NEURL1: variants seen among roughly 807,000 people sequenced by gnomAD.
The protein encoded by NEURL1 is E3 ubiquitin-protein ligase NEURL1.
A neutral mutation model predicts 41.2 loss-of-function variants in NEURL1; 26 were observed. The observed-to-expected ratio is 0.63, with a 90% confidence interval of 0.46 to 0.87. The LOEUF (loss-of-function observed/expected upper bound fraction) is 0.87. NEURL1 is among the 40% of genes least tolerant of loss of function. The probability of loss-of-function intolerance (pLI) is 0.00; values close to 1 mark genes in which losing one functional copy is unlikely to be tolerated. For synonymous variants in NEURL1, 400 were observed against 402.3 expected (o/e 0.99, Z 0.07); for missense variants, 761 against 871.1 (o/e 0.87, Z 1.59).
chr10:103,543,226 G>T (rs1159670164), intron 1 of NEURL1, among the ~76,000 whole-genome samples: 1 of 152,200 alleles, frequency 6.6e-6, no homozygotes, highest in Non-Finnish European at 1.5e-5. Context: ...AGGGAAGATG[G>T]TCAGATAAGG....
chr10:103,571,363 G>T, intron 2 of NEURL1, 138 bp from the exon 3 acceptor site: 1 of 1,027,238 alleles, frequency 9.7e-7, no homozygotes, highest in Non-Finnish European at 1.4e-6. Context: ...CAGCAGGGAG[G>T]GCTCCTGGGA....
intron 1 of NEURL1, among the ~76,000 whole-genome samples, chr10:103,561,530 C>T (rs150166769): frequency 1.2e-4 from 19 of 152,292 alleles, no homozygotes; most frequent in Middle Eastern, 3.4e-3. Flanking sequence ...TCCCAAAGTG[C>T]TGGGATTACA....
intron 4 of NEURL1, chr10:103,588,769 C>T: frequency 2.4e-6 from 1 of 422,454 alleles, no homozygotes; most frequent in Admixed American, 2.7e-5. Context: ...CATGGTGAAA[C>T]CCCGTCTCTA....
intron 4 of NEURL1, chr10:103,589,012 G>A (rs2035982852): frequency 2.3e-6 from 1 of 429,496 alleles, no homozygotes; most frequent in Admixed American, 2.7e-5. Context: ...GAGAATCTAT[G>A]ATCAGAACAA....
chr10:103,584,576 C>T lies in NEURL1; in HGVS notation c.690C>T (p.Ser230=), dbSNP rs2035856651. The change falls in exon 4 of 6, where the codon TCC becomes TCT. Residue 230 remains serine (S), a synonymous_variant. Transcript: ENST00000369780. ...TCCCGGACTGTCTGCGGCCGCGCTC[C>T]TTCACCGCCCTGCGGCGGCCGTCGC... The part of the protein sequence containing the change: ...LVLPDCLRPR[S]FTALRRPSLR... 11 of 1,417,926 alleles carry T rather than the reference C, an allele frequency of 7.8e-6. No homozygotes were observed. The East Asian group carries it at 1.5e-4, about 20-fold the overall frequency. The allele number at this position is 1,417,926 out of a possible 1,614,324, so 87.8% of individuals were successfully genotyped here.
intron 1 of NEURL1, among the ~76,000 whole-genome samples, chr10:103,569,872 T>A (rs2035500953): frequency 6.6e-6 from 1 of 152,170 alleles, no homozygotes; most frequent in African/African-American, 2.4e-5. Flanking sequence ...CGGAGACTGC[T>A]GTCTGGGGCC....
intron 1 of NEURL1, among the ~76,000 whole-genome samples, chr10:103,521,816 G>A (rs561242181): frequency 2.6e-5 from 4 of 152,134 alleles, no homozygotes; most frequent in South Asian, 4.1e-4. Context: ...CTAGCTGCCC[G>A]GGTTTCGGCA....
intron 1 of NEURL1, among the ~76,000 whole-genome samples, chr10:103,543,317 G>C (rs888155593): frequency 2.0e-5 from 3 of 152,212 alleles, no homozygotes; most frequent in African/African-American, 7.2e-5. Flanking sequence ...GTGAGCACAG[G>C]CTAGTGCTGC....
At chr10:103,555,068 T>G (rs912668156) in intron 1 of NEURL1, among the ~76,000 whole-genome samples, 1 of 151,918 alleles carries the variant, frequency 6.6e-6, no homozygotes, top group South Asian at 2.1e-4. Context: ...TAAATAAACA[T>G]GACAGATCCC....
intron 1 of NEURL1, among the ~76,000 whole-genome samples, chr10:103,542,012 A>T (rs530112610): frequency 6.6e-6 from 1 of 152,264 alleles, no homozygotes; most frequent in Non-Finnish European, 1.5e-5. Flanking sequence ...CTGTGGAGCA[A>T]GGATCCCTTT....
intron 3 of NEURL1, 87 bp from the exon 4 acceptor site, chr10:103,584,449 G>A: frequency 1.2e-6 from 1 of 849,412 alleles, no homozygotes; most frequent in Non-Finnish European, 1.6e-6. Flanking sequence ...GGATTGTAAC[G>A]GTGCGCGCGT....
chr10:103,561,002 G>A lies in NEURL1; in HGVS notation c.86-9870G>A, dbSNP rs117583209. On this transcript the variant is annotated intron_variant, in intron 1 of 5. Coordinates refer to ENST00000369780, the MANE Select transcript of NEURL1 (RefSeq NM_004210.5). Reference sequence around the variant, plus strand: ...CTGCACTGTTTAGCTAGGTGCCTCCGGCTTCATGTCTGTCATGAGGTTGCA... The same window carrying A: ...CTGCACTGTTTAGCTAGGTGCCTCCAGCTTCATGTCTGTCATGAGGTTGCA... 6.0e-4 allele frequency among the ~76,000 whole-genome samples: 92 copies of A among 152,306 alleles called. 1 individual carries two copies. The East Asian group carries it at 0.015, about 25-fold the overall frequency.
rs371448671 is a variant in NEURL1, at chr10:103,571,131, C to T, written c.327+18C>T. ...GGCTGAAGGTGGGCCTGCCCCCTGC[C>T]CCCGCCCCCGCCTCCTGCTTCCTGC... On this transcript the variant is annotated intron_variant, in intron 2 of 5. Transcript: ENST00000369780. 3 of 1,607,614 alleles carry T rather than the reference C, an allele frequency of 1.9e-6. No homozygotes were observed. The highest frequency in any genetic ancestry group is 2.7e-5 in the African/African-American group (2 of 74,836).
intron 1 of NEURL1, among the ~76,000 whole-genome samples, chr10:103,500,196 C>T (rs2034914978): frequency 3.9e-5 from 6 of 152,200 alleles, no homozygotes; most frequent in Admixed American, 2.6e-4. Flanking sequence ...TACCTTTGAA[C>T]CCTGTTATGT....
intron 1 of NEURL1, among the ~76,000 whole-genome samples, chr10:103,533,687 C>T (rs2034625208): frequency 6.6e-6 from 1 of 152,178 alleles, no homozygotes; most frequent in Non-Finnish European, 1.5e-5. Flanking sequence ...CAGGCGCCCG[C>T]CATCACACCC....
chr10:103,548,612 C>G (rs1487673798), intron 1 of NEURL1, among the ~76,000 whole-genome samples: 4 of 152,194 alleles, frequency 2.6e-5, no homozygotes, highest in African/African-American at 9.7e-5. Flanking sequence ...TGTGAGCCAC[C>G]ACGCCTGGCT....
intron 4 of NEURL1, among the ~76,000 whole-genome samples, chr10:103,585,727 G>A (rs1380889270): frequency 1.3e-5 from 2 of 151,868 alleles, no homozygotes; most frequent in Non-Finnish European, 2.9e-5. Flanking sequence ...CCAGCTACTC[G>A]GGAGGCTGAG....
intron 1 of NEURL1, among the ~76,000 whole-genome samples, chr10:103,565,446 A>G (rs1431792237): frequency 2.0e-5 from 3 of 151,948 alleles, no homozygotes; most frequent in Non-Finnish European, 4.4e-5. Flanking sequence ...GGGGCAGGGA[A>G]CCCCCGTTCT....
intron 1 of NEURL1, among the ~76,000 whole-genome samples, chr10:103,498,282 C>T (rs1010232405): frequency 2.0e-5 from 3 of 152,326 alleles, no homozygotes; most frequent in East Asian, 3.9e-4. Context: ...GGCTGGAGTG[C>T]AGTGGCGCGA....
Sources: gnomAD v4.1 joint callset for allele counts (sites outside exome capture counted in the v4.1 genomes callset) on GRCh38, gnomAD v4.1.1 for gene constraint, MANE v1.5 for transcripts, NCBI Gene and HGNC (gene_info 2026-07-23, HGNC 2026-07-21) for gene names.